ADAMTS17: variants seen among roughly 807,000 people sequenced by gnomAD.
ADAMTS17 encodes ADAM metallopeptidase with thrombospondin type 1 motif 17, also known as A disintegrin and metalloproteinase with thrombospondin motifs 17.
ADAMTS17 carries 113 observed loss-of-function variants against 141.5 expected under a neutral mutation model. The ratio of observed to expected loss-of-function variants is 0.80; its 90% CI spans 0.69 to 0.93. The LOEUF is 0.93. Ranked by LOEUF, ADAMTS17 falls within the 40% of genes least tolerant of loss-of-function variation. The pLI is 0.00. For synonymous variants in ADAMTS17, 768 were observed against 630.6 expected (o/e 1.22, Z -3.27); for missense variants, 1,659 against 1,517.9 (o/e 1.09, Z -1.54).
At chr15:100,118,584 G>A (rs2037285435) in intron 12 of ADAMTS17, among the ~76,000 whole-genome samples, 1 of 152,204 alleles carries the variant, frequency 6.6e-6, no homozygotes, top group South Asian at 2.1e-4. Context: ...GGCAAGGGAG[G>A]CATCAGTTCC....
intron 18 of ADAMTS17, among the ~76,000 whole-genome samples, chr15:100,026,372 A>C (rs997303266): frequency 4.6e-5 from 7 of 152,334 alleles, no homozygotes; most frequent in African/African-American, 1.7e-4. Context: ...GTCTTGTACA[A>C]CTTGCTGGCA....
chr15:100,243,789 T>TAAAAAAAAAAAAAA (rs547134930), intron 7 of ADAMTS17, among the ~76,000 whole-genome samples: 2 of 93,474 alleles, frequency 2.1e-5, no homozygotes, highest in African/African-American at 4.4e-5. Context: ...GACTCCATCT[T>TAAAAAAAAAAAAAA]AAAAAAAAAA....
At chr15:100,298,914 T>C (rs8037995) in intron 3 of ADAMTS17, among the ~76,000 whole-genome samples, 1 of 151,920 alleles carries the variant, frequency 6.6e-6, no homozygotes, top group Non-Finnish European at 1.5e-5. Context: ...AAAGAGTCAG[T>C]GGGGTTGGTT....
intron 3 of ADAMTS17, among the ~76,000 whole-genome samples, chr15:100,298,917 G>A (rs545663939): frequency 1.3e-5 from 2 of 152,146 alleles, no homozygotes; most frequent in Non-Finnish European, 2.9e-5. Context: ...GAGTCAGTGG[G>A]GTTGGTTTCT....
At chr15:100,122,467 G>A (rs1013180058) in intron 12 of ADAMTS17, among the ~76,000 whole-genome samples, 1 of 152,148 alleles carries the variant, frequency 6.6e-6, no homozygotes, top group Admixed American at 6.5e-5. Flanking sequence ...CTATAACACA[G>A]GGCCTCTACA....
chr15:99,973,946 G>A lies in ADAMTS17; in HGVS notation c.*456C>T, dbSNP rs537774741. ...CTCCCCAGAGAAGCCACGGGCAGAG[G>A]CTCACCAACACCTGCCCCTCCCTCC... On this transcript the variant is annotated 3_prime_UTR_variant, in exon 22 of 22. Transcript: ENST00000268070. 2.8e-4 allele frequency: 71 copies of A among 257,732 alleles called. No homozygotes were observed. In the South Asian group the frequency reaches 3.1e-3, roughly 11 times the overall value. The allele number at this position is 257,732 out of a possible 1,614,324, so 16.0% of individuals were successfully genotyped here.
chr15:100,189,022 G>A (rs2040823992), intron 8 of ADAMTS17, among the ~76,000 whole-genome samples: 1 of 152,242 alleles, frequency 6.6e-6, no homozygotes, highest in African/African-American at 2.4e-5. Flanking sequence ...CCCCTTGGAT[G>A]TCCTTAGCTA....
intron 18 of ADAMTS17, among the ~76,000 whole-genome samples, chr15:100,014,921 T>A (rs189066830): frequency 2.2e-4 from 33 of 152,340 alleles, no homozygotes; most frequent in Admixed American, 1.2e-3. Flanking sequence ...CTTTGTTGAC[T>A]TTCTGTTTTG....
At chr15:100,194,521 C>T (rs2041038996) in intron 8 of ADAMTS17, among the ~76,000 whole-genome samples, 1 of 152,228 alleles carries the variant, frequency 6.6e-6, no homozygotes. Context: ...TTACTGCCAA[C>T]TGCCTCCTTG....
intron 8 of ADAMTS17, among the ~76,000 whole-genome samples, chr15:100,161,215 T>C (rs1312169791): frequency 2.0e-5 from 3 of 152,192 alleles, no homozygotes. Flanking sequence ...CTGAGAGGAT[T>C]CCCACAGCAC....
At chr15:100,031,823 C>T (rs891884777) in intron 18 of ADAMTS17, among the ~76,000 whole-genome samples, 3 of 152,174 alleles carry the variant, frequency 2.0e-5, no homozygotes. Flanking sequence ...CCAGTGATTT[C>T]CATATTTGTA....
At chr15:100,261,365 G>A (rs2043509596) in intron 6 of ADAMTS17, 114 bp downstream of exon 6, 1 of 1,446,138 alleles carries the variant, frequency 6.9e-7, no homozygotes, top group Non-Finnish European at 9.5e-7. Context: ...ACCCAGACAG[G>A]TGGCCCAAGG....
Position 99,976,358 on chromosome 15 carries a change from C to A in ADAMTS17, c.2950-136G>T, listed in dbSNP as rs1351455834. ...GAGGTCAGGGGGCTGGGATGATGGC[C>A]TCACAATGTGGCACTGCGGAGACAG... On this transcript the variant is annotated intron_variant, in intron 20 of 21. Transcript: ENST00000268070. 8.6e-6 allele frequency: 10 copies of A among 1,158,196 alleles called. No homozygotes were observed. In the South Asian group the frequency reaches 1.2e-4, roughly 14 times the overall value. The allele number at this position is 1,158,196 out of a possible 1,614,324, so 71.7% of individuals were successfully genotyped here. A position where few individuals can be genotyped will look rare whatever the true frequency, so the allele number is the denominator to read the frequency against.
At chr15:100,064,164 G>A (rs182244796) in intron 15 of ADAMTS17, among the ~76,000 whole-genome samples, 5 of 152,250 alleles carry the variant, frequency 3.3e-5, no homozygotes, top group South Asian at 2.1e-4. Context: ...AGAATGTCGC[G>A]AGAACATGAA....
At chr15:100,099,387 T>A (rs2035959319) in intron 14 of ADAMTS17, among the ~76,000 whole-genome samples, 1 of 152,202 alleles carries the variant, frequency 6.6e-6, no homozygotes, top group East Asian at 1.9e-4. Context: ...TGGCAGAAAC[T>A]GGGATGGTTT....
chr15:100,116,158 A>AAAAAAAAAC (rs2037116540), intron 13 of ADAMTS17, among the ~76,000 whole-genome samples: 1 of 132,964 alleles, frequency 7.5e-6, no homozygotes, highest in African/African-American at 2.7e-5. Flanking sequence ...AAAAAAAAAA[A>AAAAAAAAAC]CCCAACAACC....
chr15:99,976,543 G>A lies in ADAMTS17; in HGVS notation c.2950-321C>T, dbSNP rs527474075. On this transcript the variant is annotated intron_variant, in intron 20 of 21. Transcript: ENST00000268070. ...ATAGAAGACTGTTTCAAGATGTTAT[G>A]GAATACATGTTTGTGTCTCTGCAAA... 1.3e-3 allele frequency: 695 copies of A among 519,518 alleles called. 14 individuals are homozygous for A. The highest frequency in any genetic ancestry group is 0.013 in the South Asian group (643 of 49,120). 32.2% of individuals were successfully genotyped at this position (519,518 alleles called of 1,614,324 possible). A position where few individuals can be genotyped will look rare whatever the true frequency, so the allele number is the denominator to read the frequency against.
chr15:100,096,533 A>C (rs2035770344), intron 14 of ADAMTS17, 57 bp from the exon 15 acceptor site: 3 of 1,612,554 alleles, frequency 1.9e-6, no homozygotes, highest in East Asian at 2.2e-5. Context: ...AGTTTTAAAG[A>C]GGCTGCCCTG....
At chr15:100,002,214 C>T (rs949757693) in intron 18 of ADAMTS17, among the ~76,000 whole-genome samples, 1 of 151,926 alleles carries the variant, frequency 6.6e-6, no homozygotes, top group Non-Finnish European at 1.5e-5. Flanking sequence ...TTGCAGTTGA[C>T]TTTGTGAATA....
Sources: allele counts gnomAD v4.1 joint callset (sites outside exome capture counted in the v4.1 genomes callset), GRCh38; gene constraint gnomAD v4.1.1; transcripts MANE v1.5; gene names NCBI Gene and HGNC (gene_info 2026-07-23, HGNC 2026-07-21).